PRKAR1B: variants seen among roughly 807,000 people sequenced by gnomAD.
PRKAR1B encodes the protein cAMP-dependent protein kinase type I-beta regulatory subunit.
Under a neutral mutation model 46.5 loss-of-function variants are expected in PRKAR1B, and 22 were observed. The observed-to-expected ratio is 0.47, with a 90% confidence interval of 0.34 to 0.68. The LOEUF (loss-of-function observed/expected upper bound fraction) is 0.68. Among genes scored for constraint, PRKAR1B ranks in the 30% least tolerant of loss-of-function variants. The pLI, the probability that PRKAR1B is intolerant of heterozygous loss-of-function variation, is 0.01. For missense variants in PRKAR1B, 445 were observed against 535.6 expected (o/e 0.83, Z 1.67); for synonymous variants, 259 against 217.7 (o/e 1.19, Z -1.67).
At chr7:562,583 G>A (rs1466478317) in intron 9 of PRKAR1B, among the ~76,000 whole-genome samples, 1 of 152,182 alleles carries the variant, frequency 6.6e-6, no homozygotes, top group Non-Finnish European at 1.5e-5. Context: ...CTGCAGGTGG[G>A]CCAAGCCCCG....
chr7:645,361 C>T (rs533060279), intron 4 of PRKAR1B, among the ~76,000 whole-genome samples: 2 of 152,320 alleles, frequency 1.3e-5, no homozygotes, highest in South Asian at 4.1e-4. Context: ...ATCAATCTCA[C>T]TCAGTCTACT....
At chr7:583,511 CCA>C (rs148306994) in intron 8 of PRKAR1B, among the ~76,000 whole-genome samples, 827 of 59,132 alleles carry the variant, frequency 0.014, 9 homozygotes, top group African/African-American at 0.025. Context: ...CCATACACAC[CCA>C]CACACGCGTG....
At chr7:716,422 A>G (rs1049077465) in intron 1 of PRKAR1B, among the ~76,000 whole-genome samples, 2 of 152,020 alleles carry the variant, frequency 1.3e-5, no homozygotes, top group Admixed American at 1.3e-4. Context: ...GTCAGCTCCA[A>G]TTCACCCTCC....
chr7:634,823 A>G (rs1202063339), intron 4 of PRKAR1B, among the ~76,000 whole-genome samples: 2 of 151,838 alleles, frequency 1.3e-5, no homozygotes, highest in African/African-American at 4.8e-5. Flanking sequence ...TGTTTTTAGT[A>G]GAGTCGGGGT....
intron 2 of PRKAR1B, chr7:697,112 C>G (rs1279581884): frequency 6.6e-6 from 1 of 152,286 alleles, no homozygotes; most frequent in Non-Finnish European, 1.5e-5. Flanking sequence ...ACTGTGGGAA[C>G]AGGGTTTCCA....
intron 4 of PRKAR1B, among the ~76,000 whole-genome samples, chr7:651,355 C>A (rs1277806428): frequency 1.3e-5 from 2 of 152,236 alleles, no homozygotes; most frequent in Non-Finnish European, 2.9e-5. Flanking sequence ...CATACGAGTT[C>A]CATGTTCCTC....
chr7:585,791 G>A (rs1411862167), intron 7 of PRKAR1B, among the ~76,000 whole-genome samples: 8 of 152,104 alleles, frequency 5.3e-5, no homozygotes, highest in South Asian at 2.1e-4. Flanking sequence ...TAGGAACCAC[G>A]GAACCAAGAA....
At chr7:604,207 G>C (rs1158745932) in intron 6 of PRKAR1B, among the ~76,000 whole-genome samples, 1 of 152,238 alleles carries the variant, frequency 6.6e-6, no homozygotes, top group East Asian at 1.9e-4. Context: ...GCCCGGCTGG[G>C]ATGCTGGCCG....
rs1358062043 is a variant in PRKAR1B at position 584,865 on chromosome 7, C to T, written c.709-297G>A. Among the ~76,000 whole-genome samples the T allele has an allele frequency of 2.6e-5, 4 of 152,238 alleles. No homozygotes were observed. The South Asian group carries it at 6.2e-4, about 24-fold the overall frequency. On this transcript the variant is annotated intron_variant, in intron 7 of 10. Transcript: ENST00000537384. ...ACCCGTGGTAGTTCCACACGGTGAG[C>T]GCACAGCCAGCCAGAGCCTGAACCC...
At chr7:711,694 C>A (rs1215733530) in intron 1 of PRKAR1B, among the ~76,000 whole-genome samples, 167 bp from the exon 2 acceptor site, 2 of 152,112 alleles carry the variant, frequency 1.3e-5, no homozygotes, top group East Asian at 3.9e-4. Context: ...AGGTGTTAAA[C>A]GTGACGGCCC....
chr7:685,347 T>TAC (rs1779014574), intron 2 of PRKAR1B, among the ~76,000 whole-genome samples: 4 of 66,358 alleles, frequency 6.0e-5, no homozygotes, highest in Non-Finnish European at 8.7e-5. Flanking sequence ...CGTATATATA[T>TAC]GTATACATAT....
chr7:674,167 G>A (rs1307787505), intron 4 of PRKAR1B, among the ~76,000 whole-genome samples: 6 of 152,168 alleles, frequency 3.9e-5, no homozygotes, highest in Non-Finnish European at 8.8e-5. Flanking sequence ...ATCCTGGGGG[G>A]CCTGGACACC....
At chr7:633,265 G>A (rs943600051) in intron 4 of PRKAR1B, among the ~76,000 whole-genome samples, 16 of 152,276 alleles carry the variant, frequency 1.1e-4, no homozygotes, top group African/African-American at 3.6e-4. Context: ...AGGAGGGGCC[G>A]TGACTCCATG....
At chr7:592,838 G>A (rs1469750714) in intron 7 of PRKAR1B, among the ~76,000 whole-genome samples, 3 of 152,096 alleles carry the variant, frequency 2.0e-5, no homozygotes, top group South Asian at 2.1e-4. Context: ...TCCAAGACCA[G>A]CCTAGGTGGC....
At chr7:720,552 T>C (rs1367063223) in intron 1 of PRKAR1B, among the ~76,000 whole-genome samples, 1 of 152,242 alleles carries the variant, frequency 6.6e-6, no homozygotes, top group Non-Finnish European at 1.5e-5. Flanking sequence ...TCTGCCTAGT[T>C]ATTCTAGCAG....
chr7:608,078 TGG>T (rs573831643), intron 4 of PRKAR1B: 150 of 152,606 alleles, frequency 9.8e-4, no homozygotes, highest in African/African-American at 3.3e-3. Context: ...CCAAGGGGCA[TGG>T]GGGAGCTGGC....
At chr7:703,524 C>T (rs1780166230) in intron 2 of PRKAR1B, among the ~76,000 whole-genome samples, 1 of 152,010 alleles carries the variant, frequency 6.6e-6, no homozygotes, top group Non-Finnish European at 1.5e-5. Flanking sequence ...GGCGTGGTGG[C>T]AGACGCCTGT....
chr7:621,970 A>C (rs1381525508), intron 4 of PRKAR1B, among the ~76,000 whole-genome samples: 2 of 152,228 alleles, frequency 1.3e-5, no homozygotes, highest in African/African-American at 4.8e-5. Context: ...CATGTCCCAG[A>C]ATCCCCCAGG....
intron 8 of PRKAR1B, among the ~76,000 whole-genome samples, chr7:583,424 ACG>A (rs542724840): frequency 3.4e-3 from 209 of 60,782 alleles, no homozygotes; most frequent in South Asian, 6.3e-3. Context: ...CCACGCACAC[ACG>A]CACACACCCA....
Sources: gnomAD v4.1 joint callset for allele counts (sites outside exome capture counted in the v4.1 genomes callset) on GRCh38, gnomAD v4.1.1 for gene constraint, MANE v1.5 for transcripts, NCBI Gene and HGNC (gene_info 2026-07-23, HGNC 2026-07-21) for gene names.